Variants in GRIK4 observed in about 807,000 individuals in gnomAD.
GRIK4 encodes glutamate ionotropic receptor kainate type subunit 4, also known as glutamate receptor ionotropic, kainate 4.
Under a neutral mutation model 104.9 loss-of-function variants are expected in GRIK4, and 40 were observed. The ratio of observed to expected loss-of-function variants is 0.38; its 90% CI spans 0.30 to 0.50. GRIK4 has a LOEUF of 0.50. GRIK4 is among the 20% of genes least tolerant of loss of function. GRIK4 has a pLI of 0.93. For synonymous variants in GRIK4, 485 were observed against 524.9 expected, an observed-to-expected ratio of 0.92 and a Z score of 1.04; for missense variants, 1,047 against 1,308.1, an observed-to-expected ratio of 0.80 and a Z score of 3.08.
rs143642936 is a variant in GRIK4, at chr11:120,796,591, C to A, written c.83-6102C>A. On this transcript the variant is annotated intron_variant, in intron 3 of 20. Coordinates refer to ENST00000527524, the MANE Select transcript of GRIK4 (RefSeq NM_014619.5). ...AGAGGCGCCTGAGGGAGAGAAGAGC[C>A]CTGGTAGGGAAAGGGAGAACAAGGG... Among the ~76,000 whole-genome samples, 466 of 152,066 alleles carry A rather than the reference C, an allele frequency of 3.1e-3. 2 individuals are homozygous for A. The highest frequency in any genetic ancestry group is 0.011 in the African/African-American group (449 of 41,484).
chr11:120,579,995 C>A (rs2135091619), intron 1 of GRIK4, among the ~76,000 whole-genome samples: 1 of 152,246 alleles, frequency 6.6e-6, no homozygotes, highest in Admixed American at 6.5e-5. Context: ...CTGAGTCTGG[C>A]TTCTTCCACT....
chr11:120,739,823 A>G (rs1951294560), intron 3 of GRIK4, among the ~76,000 whole-genome samples: 1 of 152,214 alleles, frequency 6.6e-6, no homozygotes, highest in African/African-American at 2.4e-5. Flanking sequence ...CTGATCTGGT[A>G]CAATCACACA....
intron 1 of GRIK4, among the ~76,000 whole-genome samples, chr11:120,651,622 C>G (rs1476854279): frequency 1.3e-5 from 2 of 152,194 alleles, no homozygotes; most frequent in Non-Finnish European, 2.9e-5. Context: ...GTGGTCAGTG[C>G]CGCCACTGCT....
intron 3 of GRIK4, among the ~76,000 whole-genome samples, chr11:120,765,075 C>T (rs558804215): frequency 3.3e-4 from 50 of 152,212 alleles, no homozygotes; most frequent in Non-Finnish European, 3.1e-4. Context: ...CCATTCTCCC[C>T]GTCACTTTCA....
At chr11:120,908,126 A>G (rs957927730) in intron 13 of GRIK4, among the ~76,000 whole-genome samples, 2 of 152,162 alleles carry the variant, frequency 1.3e-5, no homozygotes, top group Non-Finnish European at 2.9e-5. Context: ...AAGCCATTGC[A>G]TCTAAATCTG....
At chr11:120,775,885 G>A (rs1426631729) in intron 3 of GRIK4, among the ~76,000 whole-genome samples, 1 of 152,238 alleles carries the variant, frequency 6.6e-6, no homozygotes, top group East Asian at 1.9e-4. Context: ...GTATTTGTGA[G>A]ATACTTTTAT....
At chr11:120,941,393 C>T (rs897596781) in intron 14 of GRIK4, among the ~76,000 whole-genome samples, 2 of 152,204 alleles carry the variant, frequency 1.3e-5, no homozygotes, top group African/African-American at 4.8e-5. Context: ...CCAGGCCCCA[C>T]ATCCCAGCTC....
At chr11:120,855,384 T>C (rs2135610521) in intron 8 of GRIK4, among the ~76,000 whole-genome samples, 1 of 152,354 alleles carries the variant, frequency 6.6e-6, no homozygotes, top group South Asian at 2.1e-4. Context: ...AGCTCTCTCA[T>C]GTTCTCAGTG....
intron 1 of GRIK4, chr11:120,620,011 G>C: frequency 3.9e-6 from 2 of 511,034 alleles, no homozygotes; most frequent in Non-Finnish European, 7.2e-6. Flanking sequence ...TCTCGGTGGA[G>C]CTGTTAGCGT....
intron 8 of GRIK4, among the ~76,000 whole-genome samples, chr11:120,837,724 A>G (rs376057467): frequency 4.7e-4 from 72 of 151,640 alleles, no homozygotes; most frequent in African/African-American, 1.7e-3. Context: ...AAATTAGAGC[A>G]TTAATATGTA....
intron 1 of GRIK4, among the ~76,000 whole-genome samples, chr11:120,583,265 A>G (rs1218889448): frequency 6.6e-6 from 1 of 152,196 alleles, no homozygotes; most frequent in African/African-American, 2.4e-5. Flanking sequence ...TGTTGGATAC[A>G]TAGTTTGCAA....
intron 7 of GRIK4, among the ~76,000 whole-genome samples, chr11:120,835,653 A>C (rs549334312): frequency 4.6e-5 from 7 of 152,308 alleles, no homozygotes; most frequent in African/African-American, 1.4e-4. Flanking sequence ...CCACCTCAAT[A>C]GTCATGACAA....
intron 9 of GRIK4, among the ~76,000 whole-genome samples, chr11:120,865,773 T>C (rs1407907925): frequency 6.6e-6 from 1 of 152,232 alleles, no homozygotes; most frequent in Admixed American, 6.5e-5. Context: ...TCTTAGACCA[T>C]TTGTATTGCC....
intron 2 of GRIK4, 149 bp from the exon 3 acceptor site, chr11:120,660,120 C>T (rs1049610483): frequency 3.4e-6 from 2 of 586,274 alleles, no homozygotes. Flanking sequence ...GGTCACAGAG[C>T]TGAAGTTAGA....
At position 120,986,293 on chromosome 11, in the gene GRIK4, CGGGGCGGGAGGGGA is replaced by C. The variant is rs1168393647; in HGVS notation, c.*42_*55del. Reference sequence around the variant, plus strand: ...GGCCACAGGACGCGCAGAGGCCGGGCGGGGCGGGAGGGGAGGGGCGGGGCGGGCGCTGCTGTCAG... The same window carrying C: ...GGCCACAGGACGCGCAGAGGCCGGGCGGGGCGGGGCGGGCGCTGCTGTCAG... On this transcript the variant is annotated 3_prime_UTR_variant, in exon 21 of 21. Transcript: ENST00000527524. 1.8e-4 allele frequency: 44 copies of C among 241,222 alleles called. No homozygotes were observed. The highest frequency in any genetic ancestry group is 3.1e-4 in the Non-Finnish European group (39 of 124,888). 14.9% of individuals were successfully genotyped at this position (241,222 alleles called of 1,614,324 possible). A position where few individuals can be genotyped will look rare whatever the true frequency, so the allele number is the denominator to read the frequency against.
intron 3 of GRIK4, among the ~76,000 whole-genome samples, chr11:120,764,251 G>T (rs1951795548): frequency 6.6e-6 from 1 of 152,000 alleles, no homozygotes; most frequent in Non-Finnish European, 1.5e-5. Context: ...TTTTATCAGA[G>T]ACTAGGATTG....
intron 15 of GRIK4, among the ~76,000 whole-genome samples, chr11:120,954,927 TG>T (rs1944106535): frequency 6.6e-6 from 1 of 152,026 alleles, no homozygotes; most frequent in African/African-American, 2.4e-5. Flanking sequence ...CCAGAGCCTT[TG>T]GGGGTGGAAT....
intron 8 of GRIK4, among the ~76,000 whole-genome samples, chr11:120,856,206 T>C (rs1366242583): frequency 6.6e-6 from 1 of 152,256 alleles, no homozygotes. Flanking sequence ...GAGATCCGCC[T>C]GAAATCAGCC....
chr11:120,943,140 ACACACACACACC>A (rs1043365739), intron 14 of GRIK4, among the ~76,000 whole-genome samples: 1 of 121,808 alleles, frequency 8.2e-6, no homozygotes, highest in Non-Finnish European at 1.6e-5. Flanking sequence ...ACACACACAC[ACACACACACACC>A]CCCCTGACTG....
Sources: gnomAD v4.1 joint callset for allele counts (sites outside exome capture counted in the v4.1 genomes callset) on GRCh38, gnomAD v4.1.1 for gene constraint, MANE v1.5 for transcripts, NCBI Gene and HGNC (gene_info 2026-07-23, HGNC 2026-07-21) for gene names.